Variants in SESTD1 observed in about 807,000 individuals in gnomAD.
SESTD1 encodes SEC14 domain and spectrin repeat-containing protein 1.
In SESTD1, 43 loss-of-function variants were observed where a neutral mutation model predicts 101.7. The observed-to-expected ratio is 0.42, with a 90% CI of 0.33 to 0.55. The LOEUF is 0.55. Ranked by LOEUF, SESTD1 falls within the 20% of genes least tolerant of loss-of-function variation. The pLI, the probability that SESTD1 is intolerant of heterozygous loss-of-function variation, is 0.07. For synonymous variants in SESTD1, 283 were observed against 286.8 expected (o/e 0.99, Z 0.13); for missense variants, 647 against 815.1 (o/e 0.79, Z 2.51).
In SESTD1 at chr2:179,213,393, A is replaced by G. The variant is rs1024926473; in HGVS notation, c.-25-21527T>C. Among the ~76,000 whole-genome samples, 4 of 134,906 alleles carry G rather than the reference A, an allele frequency of 3.0e-5. 1 individual carries two copies. In the East Asian group the frequency reaches 7.9e-4, roughly 27 times the overall value. 88.5% of individuals were successfully genotyped at this position (134,906 alleles called of 152,430 possible). A position where few individuals can be genotyped will look rare whatever the true frequency, so the allele number is the denominator to read the frequency against. ...CCGATTCGATCAAGTGGAAGAAAGG[A>G]TATCAGTGATTGAAGATCAAATTAA... On this transcript the variant is annotated intron_variant, in intron 1 of 17. Transcript: ENST00000428443.
chr2:179,135,283 A>G (rs112483992), intron 9 of SESTD1, among the ~76,000 whole-genome samples: 2 of 152,284 alleles, frequency 1.3e-5, no homozygotes, highest in African/African-American at 2.4e-5. Flanking sequence ...TGCCAATTGA[A>G]AAAACAGAAA....
chr2:179,169,710 G>A (rs760920806), intron 5 of SESTD1, among the ~76,000 whole-genome samples: 4 of 152,034 alleles, frequency 2.6e-5, no homozygotes, highest in Non-Finnish European at 4.4e-5. Context: ...AGCCGGGCAC[G>A]GTGCCTCATG....
At chr2:179,203,372 A>G (rs1288081142) in intron 1 of SESTD1, among the ~76,000 whole-genome samples, 1 of 133,792 alleles carries the variant, frequency 7.5e-6, no homozygotes, top group Admixed American at 7.3e-5. Flanking sequence ...ACCACCCATG[A>G]CACCCAGGAG....
chr2:179,120,914 T>C (rs1367790327), intron 13 of SESTD1, among the ~76,000 whole-genome samples: 1 of 152,120 alleles, frequency 6.6e-6, no homozygotes, highest in African/African-American at 2.4e-5. Context: ...AGCATTTAAG[T>C]GAGGGCAGGA....
In SESTD1 at chr2:179,231,606, A is replaced by G. The variant is rs191732108; in HGVS notation, c.-26+32893T>C. Among the ~76,000 whole-genome samples, 908 of 151,954 alleles carry G rather than the reference A, an allele frequency of 6.0e-3. 7 individuals are homozygous for G. The highest frequency in any genetic ancestry group is 9.7e-3 in the Non-Finnish European group (660 of 67,870). Reference sequence around the variant, plus strand: ...GAACAATGTACACAGTATTTATAACATAAGAGTTGAAATCAAACATAAGTC... The same window carrying G: ...GAACAATGTACACAGTATTTATAACGTAAGAGTTGAAATCAAACATAAGTC... On this transcript the variant is annotated intron_variant, in intron 1 of 17. Transcript: ENST00000428443.
chr2:179,117,716 T>C, intron 13 of SESTD1, 103 bp from the exon 14 acceptor site: 1 of 891,870 alleles, frequency 1.1e-6, no homozygotes, highest in Non-Finnish European at 1.6e-6. Flanking sequence ...CTAAAATACT[T>C]AGTCCTAAAC....
At chr2:179,119,109 A>G (rs933418245) in intron 13 of SESTD1, among the ~76,000 whole-genome samples, 1 of 152,342 alleles carries the variant, frequency 6.6e-6, no homozygotes, top group Non-Finnish European at 1.5e-5. Flanking sequence ...TATTCCAAGA[A>G]GACAAACTCC....
intron 13 of SESTD1, among the ~76,000 whole-genome samples, chr2:179,118,613 C>G (rs987935419): frequency 2.6e-5 from 4 of 151,872 alleles, no homozygotes; most frequent in African/African-American, 9.7e-5. Flanking sequence ...TAAAATTCAA[C>G]TTGGTTAAAG....
intron 1 of SESTD1, among the ~76,000 whole-genome samples, chr2:179,198,315 G>A (rs2046438477): frequency 1.3e-5 from 2 of 152,164 alleles, no homozygotes; most frequent in Non-Finnish European, 2.9e-5. Flanking sequence ...CAAGTACTGA[G>A]TGACCTACAA....
At chr2:179,119,656 G>A (rs1386960081) in intron 13 of SESTD1, among the ~76,000 whole-genome samples, 1 of 152,130 alleles carries the variant, frequency 6.6e-6, no homozygotes, top group African/African-American at 2.4e-5. Context: ...CGTGAGAATG[G>A]ACTAATAAAT....
chr2:179,135,449 A>G (rs773685386), intron 9 of SESTD1, among the ~76,000 whole-genome samples: 5 of 152,054 alleles, frequency 3.3e-5, no homozygotes, highest in Non-Finnish European at 5.9e-5. Context: ...CCTTCTCTTT[A>G]TAAGGCTTAA....
At chr2:179,191,426 T>C (rs1411327723) in intron 2 of SESTD1, among the ~76,000 whole-genome samples, 2 of 152,202 alleles carry the variant, frequency 1.3e-5, no homozygotes, top group Admixed American at 6.5e-5. Context: ...TGGAGACTAC[T>C]GCAGGGGAGG....
intron 13 of SESTD1, among the ~76,000 whole-genome samples, chr2:179,119,190 A>G (rs1469791406): frequency 6.6e-6 from 1 of 152,254 alleles, no homozygotes; most frequent in African/African-American, 2.4e-5. Flanking sequence ...TTACACTTAT[A>G]TACAAAAAGC....
intron 1 of SESTD1, among the ~76,000 whole-genome samples, chr2:179,204,834 G>C (rs1285909722): frequency 2.3e-5 from 3 of 132,750 alleles, no homozygotes; most frequent in African/African-American, 9.0e-5. Flanking sequence ...CTGAAAGCTA[G>C]AAACAAGAGA....
At chr2:179,134,159 A>G (rs111425333) in intron 9 of SESTD1, among the ~76,000 whole-genome samples, 3 of 136,154 alleles carry the variant, frequency 2.2e-5, no homozygotes, top group African/African-American at 7.4e-5. Context: ...CACAAATACC[A>G]AGGGACAACC....
chr2:179,205,179 C>T (rs1401915124), intron 1 of SESTD1, among the ~76,000 whole-genome samples: 1 of 127,462 alleles, frequency 7.8e-6, no homozygotes, highest in Admixed American at 7.5e-5. Context: ...AGTAGACAGT[C>T]TCCAACCACA....
chr2:179,221,093 T>G (rs2046808040), intron 1 of SESTD1, among the ~76,000 whole-genome samples: 1 of 152,214 alleles, frequency 6.6e-6, no homozygotes, highest in Non-Finnish European at 1.5e-5. Flanking sequence ...ATTGAGATTT[T>G]GGCACTAAAT....
chr2:179,149,238 CTT>C, intron 7 of SESTD1, 57 bp downstream of exon 7: 2 of 1,228,402 alleles, frequency 1.6e-6, no homozygotes, highest in Non-Finnish European at 2.3e-6. Context: ...ATAGAGATAT[CTT>C]TTATCAGAAT....
At chr2:179,163,724 TAAGAC>T (rs1284150147) in intron 5 of SESTD1, among the ~76,000 whole-genome samples, 2 of 151,974 alleles carry the variant, frequency 1.3e-5, no homozygotes, top group African/African-American at 2.4e-5. Context: ...CTAGAGAAGT[TAAGAC>T]AAGACAAATT....
Sources: gnomAD v4.1 joint callset for allele counts (sites outside exome capture counted in the v4.1 genomes callset) on GRCh38, gnomAD v4.1.1 for gene constraint, MANE v1.5 for transcripts, NCBI Gene and HGNC (gene_info 2026-07-23, HGNC 2026-07-21) for gene names.